The following TSHZ3 variants were observed in gnomAD, a reference collection of about 807,000 sequenced individuals.
TSHZ3 encodes the protein teashirt zinc finger homeobox 3, also known as teashirt homolog 3.
TSHZ3 carries 10 observed loss-of-function variants against 64.5 expected under a neutral mutation model. That is an observed-to-expected ratio of 0.16 (90% CI 0.10 to 0.26). The LOEUF is 0.26. TSHZ3 is among the 10% of genes least tolerant of loss of function. The pLI is 1.00. For synonymous variants in TSHZ3, 608 were observed against 593.1 expected (o/e 1.03, Z -0.36); for missense variants, 1,242 against 1,421.7 (o/e 0.87, Z 2.03).
At chr19:31,186,106 A>G (rs191980040) in intron 5 of TSHZ3, among the ~76,000 whole-genome samples, 4 of 152,320 alleles carry the variant, frequency 2.6e-5, no homozygotes, top group Admixed American at 6.5e-5. Context: ...GTTTTTACCC[A>G]TTATGAATCA....
At chr19:31,343,697 T>C (rs1241303668) in intron 1 of TSHZ3, among the ~76,000 whole-genome samples, 1 of 152,116 alleles carries the variant, frequency 6.6e-6, no homozygotes, top group Non-Finnish European at 1.5e-5. Flanking sequence ...TAAGTCCATT[T>C]CTAAGCGTAA....
At chr19:31,186,804 CCTT>C (rs1343182885) in intron 5 of TSHZ3, among the ~76,000 whole-genome samples, 13 of 152,248 alleles carry the variant, frequency 8.5e-5, no homozygotes, top group Admixed American at 6.5e-4. Flanking sequence ...TTTTCATCCT[CCTT>C]CTGATCACTT....
intron 5 of TSHZ3, among the ~76,000 whole-genome samples, chr19:31,162,221 A>T (rs973543236): frequency 6.6e-6 from 1 of 152,170 alleles, no homozygotes; most frequent in African/African-American, 2.4e-5. Flanking sequence ...CCTGGCCCAC[A>T]GTAGGTACTC....
intron 1 of TSHZ3, among the ~76,000 whole-genome samples, chr19:31,258,338 G>A (rs1284228643): frequency 2.0e-5 from 3 of 152,156 alleles, no homozygotes; most frequent in Non-Finnish European, 4.4e-5. Flanking sequence ...GTCCAGTAAA[G>A]CCCTTGATCC....
At chr19:31,310,195 G>A (rs1398578434) in intron 1 of TSHZ3, among the ~76,000 whole-genome samples, 1 of 152,072 alleles carries the variant, frequency 6.6e-6, no homozygotes, top group Non-Finnish European at 1.5e-5. Context: ...ACCTTCTCAT[G>A]TCTCTTCCCT....
At chr19:31,223,948 A>C (rs2145170040) in intron 4 of TSHZ3, among the ~76,000 whole-genome samples, 1 of 152,304 alleles carries the variant, frequency 6.6e-6, no homozygotes, top group East Asian at 1.9e-4. Flanking sequence ...AGAGGAGGCT[A>C]CTTGCGTCCA....
intron 1 of TSHZ3, among the ~76,000 whole-genome samples, chr19:31,336,352 G>A (rs1030080720): frequency 1.3e-4 from 20 of 152,202 alleles, no homozygotes; most frequent in African/African-American, 4.8e-4. Context: ...TTTTCAGAAT[G>A]TGACGCCAGG....
chr19:31,260,992 C>T (rs73927325), intron 1 of TSHZ3, among the ~76,000 whole-genome samples: 2,450 of 152,258 alleles, frequency 0.016, 64 homozygotes, highest in African/African-American at 0.055. Context: ...ATTTTGAATG[C>T]GGGGCGTGGT....
intron 5 of TSHZ3, among the ~76,000 whole-genome samples, chr19:31,192,461 C>T (rs1974924888): frequency 6.6e-6 from 1 of 152,228 alleles, no homozygotes; most frequent in Non-Finnish European, 1.5e-5. Context: ...ACCCTATACT[C>T]TGTCAAGGTC....
chr19:31,335,396 C>T (rs1413603927), intron 1 of TSHZ3, among the ~76,000 whole-genome samples: 1 of 152,206 alleles, frequency 6.6e-6, no homozygotes, highest in African/African-American at 2.4e-5. Context: ...GGAGGGCCTC[C>T]TCCCCTGCCC....
chr19:31,332,361 C>A (rs192027741), intron 1 of TSHZ3, among the ~76,000 whole-genome samples: 2 of 152,344 alleles, frequency 1.3e-5, no homozygotes, highest in East Asian at 3.9e-4. Flanking sequence ...ATTCCCCACA[C>A]TGCCATGGCA....
chr19:31,202,908 G>T (rs1975108441), intron 5 of TSHZ3, among the ~76,000 whole-genome samples: 1 of 152,158 alleles, frequency 6.6e-6, no homozygotes, highest in African/African-American at 2.4e-5. Context: ...TCTGTGTCAG[G>T]CATAGTGCCA....
intron 1 of TSHZ3, among the ~76,000 whole-genome samples, chr19:31,305,189 C>A (rs1470277505): frequency 6.6e-6 from 1 of 152,092 alleles, no homozygotes; most frequent in Admixed American, 6.6e-5. Context: ...CCTGCCACCC[C>A]CTCCACACAC....
At chr19:31,266,949 C>T (rs1415305463) in intron 1 of TSHZ3, among the ~76,000 whole-genome samples, 1 of 152,196 alleles carries the variant, frequency 6.6e-6, no homozygotes, top group East Asian at 1.9e-4. Flanking sequence ...CAGTACACCT[C>T]GGGCCCTGTC....
chr19:31,225,402 C>A (rs1975446040), intron 4 of TSHZ3, among the ~76,000 whole-genome samples: 1 of 152,202 alleles, frequency 6.6e-6, no homozygotes, highest in Non-Finnish European at 1.5e-5. Context: ...CCACACACAT[C>A]TCAGCCTGTC....
chr19:31,337,224 A>T (rs1271744890), intron 1 of TSHZ3, among the ~76,000 whole-genome samples: 1 of 152,126 alleles, frequency 6.6e-6, no homozygotes, highest in African/African-American at 2.4e-5. Flanking sequence ...GGTGTGATGG[A>T]TGAGCCCCCA....
At chr19:31,333,378 C>T (rs948351373) in intron 1 of TSHZ3, among the ~76,000 whole-genome samples, 3 of 152,132 alleles carry the variant, frequency 2.0e-5, no homozygotes, top group Non-Finnish European at 4.4e-5. Context: ...TCCCACTCAG[C>T]TCTTGTGCCT....
intron 1 of TSHZ3, among the ~76,000 whole-genome samples, chr19:31,305,289 G>A (rs1015523403): frequency 6.6e-6 from 1 of 150,462 alleles, no homozygotes; most frequent in Non-Finnish European, 1.5e-5. Flanking sequence ...TATTTGAAAT[G>A]TGTGTGGTGA....
chr19:31,193,009 G>T (rs1031172021), intron 5 of TSHZ3, among the ~76,000 whole-genome samples: 1 of 152,104 alleles, frequency 6.6e-6, no homozygotes, highest in Non-Finnish European at 1.5e-5. Context: ...GTACCTACAG[G>T]GGCCTCCCCT....
Sources: allele counts gnomAD v4.1 joint callset (sites outside exome capture counted in the v4.1 genomes callset), GRCh38; gene constraint gnomAD v4.1.1; transcripts MANE v1.5; gene names NCBI Gene and HGNC (gene_info 2026-07-23, HGNC 2026-07-21).